The following LCA5 variants were observed in gnomAD, a reference collection of about 807,000 sequenced individuals.
The protein encoded by LCA5 is lebercilin LCA5.
LCA5 carries 37 observed loss-of-function variants against 53.0 expected under a neutral mutation model. The ratio of observed to expected loss-of-function variants is 0.70; its 90% CI spans 0.54 to 0.92. LCA5 has a LOEUF of 0.92. LCA5 is among the 40% of genes least tolerant of loss of function. LCA5 has a pLI of 0.00. For missense variants in LCA5, 806 were observed against 790.5 expected, an observed-to-expected ratio of 1.02 and a Z score of -0.23; for synonymous variants, 303 against 282.9, an observed-to-expected ratio of 1.07 and a Z score of -0.71.
chr6:79,520,312 A>G (rs1265280853), intron 1 of LCA5, among the ~76,000 whole-genome samples: 1 of 152,180 alleles, frequency 6.6e-6, no homozygotes, highest in African/African-American at 2.4e-5. Flanking sequence ...ATTATCATAA[A>G]GAAAAAATTC....
At chr6:79,498,496 A>G (rs1770044040) in intron 3 of LCA5, among the ~76,000 whole-genome samples, 2 of 152,314 alleles carry the variant, frequency 1.3e-5, no homozygotes, top group South Asian at 2.1e-4. Flanking sequence ...AATAACTGTC[A>G]ACCTGGAATC....
chr6:79,528,720 T>C (rs1380793662), intron 1 of LCA5, among the ~76,000 whole-genome samples: 3 of 152,172 alleles, frequency 2.0e-5, no homozygotes, highest in African/African-American at 7.2e-5. Context: ...ACTACATCTA[T>C]TATAATCAAC....
intron 3 of LCA5, among the ~76,000 whole-genome samples, chr6:79,498,565 A>G (rs1433875024): frequency 1.3e-5 from 2 of 152,144 alleles, no homozygotes; most frequent in Admixed American, 1.3e-4. Flanking sequence ...TCAGACAACT[A>G]CTAAAAAGTG....
intron 3 of LCA5, among the ~76,000 whole-genome samples, chr6:79,503,207 TAGA>T (rs1032843965): frequency 2.0e-5 from 3 of 152,168 alleles, no homozygotes; most frequent in African/African-American, 4.8e-5. Context: ...CTATGTGACC[TAGA>T]AGAAGGCAAA....
intron 1 of LCA5, among the ~76,000 whole-genome samples, chr6:79,536,084 C>A (rs1767108761): frequency 6.6e-6 from 1 of 152,148 alleles, no homozygotes; most frequent in South Asian, 2.1e-4. Flanking sequence ...GATACTTTGT[C>A]AACTTAGAGA....
At chr6:79,499,518 T>C (rs912092747) in intron 3 of LCA5, among the ~76,000 whole-genome samples, 3 of 152,106 alleles carry the variant, frequency 2.0e-5, no homozygotes, top group South Asian at 2.1e-4. Flanking sequence ...AGTAGGTACA[T>C]GAATGTTTTA....
chr6:79,511,392 A>G (rs1770405923), intron 3 of LCA5, among the ~76,000 whole-genome samples: 1 of 152,206 alleles, frequency 6.6e-6, no homozygotes, highest in African/African-American at 2.4e-5. Flanking sequence ...GTGTGATTCC[A>G]TTTATATAAC....
intron 3 of LCA5, among the ~76,000 whole-genome samples, chr6:79,505,900 T>C (rs992504120): frequency 2.0e-5 from 3 of 152,088 alleles, no homozygotes; most frequent in African/African-American, 4.8e-5. Flanking sequence ...GGGAAGATAA[T>C]GCTGTATCTA....
chr6:79,505,691 A>C (rs1770255522), intron 3 of LCA5, among the ~76,000 whole-genome samples: 1 of 152,172 alleles, frequency 6.6e-6, no homozygotes, highest in Non-Finnish European at 1.5e-5. Flanking sequence ...CATTTGTTAG[A>C]TAAATGCAGA....
chr6:79,513,024 C>G, intron 3 of LCA5, 188 bp downstream of exon 3: 1 of 630,698 alleles, frequency 1.6e-6, no homozygotes, highest in Non-Finnish European at 2.8e-6. Context: ...ACATGTAGCT[C>G]ATTAATGTAC....
chr6:79,487,014 G>A lies in LCA5; in HGVS notation c.2084C>T (p.Ala695Val). The A allele has an allele frequency of 1.2e-6, 2 of 1,612,668 alleles. No individual in the cohort carries two copies. The highest frequency in any genetic ancestry group is 1.7e-6 in the Non-Finnish European group (2 of 1,179,334). The change falls in exon 8 of 8, where the codon GCA becomes GTA. Residue 695 changes from alanine (A) to valine (V), a missense_variant. By Grantham distance (64) the Ala-to-Val change is moderately conservative (BLOSUM62 0). Coordinates refer to ENST00000369846, the MANE Select transcript of LCA5 (RefSeq NM_001122769.3). Reference protein sequence around the residue: ...DSVEDEIEEVALR With the variant: ...DSVEDEIEEVVLR ...GTATACTCTAGTCAGTCATCTCAGT[G>A]CTACTTCTTCAATTTCATCTTCTAC...
At position 79,487,431 on chromosome 6, in the gene LCA5, T is replaced by A; in HGVS notation, c.1667A>T (p.Tyr556Phe). ...TGATGTTTTTGCAAACGAAGGCACG[T>A]AGCTACCAAATGCGAACTCATTAGG... ...ASPNEFAFGS[Y>F]VPSFAKTSER... The change falls in exon 8 of 8, where the codon TAC becomes TTC. Residue 556 changes from tyrosine to phenylalanine, a missense_variant. Tyr to Phe is a conservative substitution (Grantham distance 22, BLOSUM62 3). Transcript: ENST00000369846. 1 of 1,613,672 alleles carries A rather than the reference T, an allele frequency of 6.2e-7. No individual in the cohort carries two copies. The highest frequency in any genetic ancestry group is 1.3e-5 in the African/African-American group (1 of 74,988).
At chr6:79,521,381 A>G (rs1226204860) in intron 1 of LCA5, among the ~76,000 whole-genome samples, 1 of 152,228 alleles carries the variant, frequency 6.6e-6, no homozygotes, top group African/African-American at 2.4e-5. Flanking sequence ...TTAAAACACA[A>G]TAACTTGACT....
At chr6:79,493,910 C>T (rs1270903597) in intron 3 of LCA5, among the ~76,000 whole-genome samples, 160 bp from the exon 4 acceptor site, 1 of 152,146 alleles carries the variant, frequency 6.6e-6, no homozygotes, top group African/African-American at 2.4e-5. Context: ...AACAGATTTA[C>T]CAACAATTTA....
chr6:79,504,818 A>G (rs532163087), intron 3 of LCA5, among the ~76,000 whole-genome samples: 1 of 152,324 alleles, frequency 6.6e-6, no homozygotes, highest in South Asian at 2.1e-4. Flanking sequence ...GCAAAAATAC[A>G]CATACATATC....
chr6:79,496,946 A>C (rs991113496), intron 3 of LCA5, among the ~76,000 whole-genome samples: 14 of 152,196 alleles, frequency 9.2e-5, no homozygotes, highest in Admixed American at 2.0e-4. Flanking sequence ...ATTGGCCTAA[A>C]GAAGGATACA....
At chr6:79,489,276 AAC>A (rs75691829) in intron 6 of LCA5, 60 bp from the exon 7 acceptor site, 49 of 1,532,814 alleles carry the variant, frequency 3.2e-5, no homozygotes, top group Non-Finnish European at 3.9e-5. Context: ...GGAACTAAGC[AAC>A]ACAGATTTAT....
chr6:79,527,698 A>G (rs574466718), intron 1 of LCA5, among the ~76,000 whole-genome samples: 6 of 152,328 alleles, frequency 3.9e-5, no homozygotes, highest in African/African-American at 1.4e-4. Flanking sequence ...CCTGCCAAAT[A>G]ACTGCCAGAA....
chr6:79,520,673 TA>T (rs1254819292), intron 1 of LCA5, among the ~76,000 whole-genome samples: 1 of 152,106 alleles, frequency 6.6e-6, no homozygotes, highest in Non-Finnish European at 1.5e-5. Flanking sequence ...AGTAGAAAAC[TA>T]AAACAATAAA....
Sources: gnomAD v4.1 joint callset for allele counts (sites outside exome capture counted in the v4.1 genomes callset) on GRCh38, gnomAD v4.1.1 for gene constraint, MANE v1.5 for transcripts, NCBI Gene and HGNC (gene_info 2026-07-23, HGNC 2026-07-21) for gene names.